Variants in L3MBTL4 observed in about 807,000 individuals in gnomAD.
The protein encoded by L3MBTL4 is L3MBTL histone methyl-lysine binding protein 4, also known as lethal(3)malignant brain tumor-like protein 4.
In L3MBTL4, 70 loss-of-function variants were observed where a neutral mutation model predicts 84.5. The observed-to-expected ratio is 0.83, with a 90% CI of 0.68 to 1.01. The LOEUF (loss-of-function observed/expected upper bound fraction) is 1.01. L3MBTL4 is among the 50% of genes least tolerant of loss of function. L3MBTL4 has a pLI of 0.00. For synonymous variants in L3MBTL4, 274 were observed against 259.8 expected, an observed-to-expected ratio of 1.05 and a Z score of -0.52; for missense variants, 715 against 754.8, an observed-to-expected ratio of 0.95 and a Z score of 0.62.
intron 3 of L3MBTL4, among the ~76,000 whole-genome samples, chr18:6,304,522 G>C (rs1203305846): frequency 6.6e-6 from 1 of 152,234 alleles, no homozygotes. Context: ...TAGAGCCTTA[G>C]ATTACAAATT....
chr18:6,121,972 A>G (rs1468568395), intron 14 of L3MBTL4, among the ~76,000 whole-genome samples: 2 of 152,196 alleles, frequency 1.3e-5, no homozygotes, highest in Non-Finnish European at 2.9e-5. Context: ...CTGCATATAC[A>G]TCCGGGAATA....
intron 16 of L3MBTL4, among the ~76,000 whole-genome samples, chr18:6,028,262 A>G (rs1175507408): frequency 6.6e-6 from 1 of 152,218 alleles, no homozygotes; most frequent in Non-Finnish European, 1.5e-5. Flanking sequence ...GCATACAGTT[A>G]GCCAGTTTCC....
chr18:6,058,529 G>T (rs2057101514), intron 16 of L3MBTL4, among the ~76,000 whole-genome samples: 1 of 152,054 alleles, frequency 6.6e-6, no homozygotes, highest in Non-Finnish European at 1.5e-5. Flanking sequence ...AAGAGAAAAA[G>T]TGTCTCACAC....
chr18:6,240,585 T>C (rs571218311), intron 8 of L3MBTL4, among the ~76,000 whole-genome samples: 3 of 152,216 alleles, frequency 2.0e-5, no homozygotes, highest in Non-Finnish European at 2.9e-5. Context: ...AGGGAGTACA[T>C]ACAGTATCCG....
At chr18:6,126,611 G>A (rs1246843597) in intron 14 of L3MBTL4, among the ~76,000 whole-genome samples, 1 of 148,926 alleles carries the variant, frequency 6.7e-6, no homozygotes, top group Admixed American at 6.8e-5. Flanking sequence ...AGCATTTCAT[G>A]TGCAATTTTT....
intron 16 of L3MBTL4, among the ~76,000 whole-genome samples, chr18:6,078,423 C>A (rs147006383): frequency 0.015 from 1,268 of 85,250 alleles, 23 homozygotes; most frequent in African/African-American, 0.075. Flanking sequence ...GGAGAGTCCA[C>A]CTCAAAAAAA....
At chr18:6,248,068 C>T (rs2047760198) in intron 5 of L3MBTL4, among the ~76,000 whole-genome samples, 1 of 152,126 alleles carries the variant, frequency 6.6e-6, no homozygotes, top group African/African-American at 2.4e-5. Flanking sequence ...CAAACATACA[C>T]ATATATTTTA....
intron 16 of L3MBTL4, among the ~76,000 whole-genome samples, chr18:6,076,587 T>G (rs1479720625): frequency 1.3e-5 from 2 of 152,124 alleles, no homozygotes; most frequent in African/African-American, 2.4e-5. Flanking sequence ...GTATATGTAC[T>G]GACTTAGAAA....
At chr18:6,354,209 T>C (rs341175) in intron 1 of L3MBTL4, among the ~76,000 whole-genome samples, 152,224 of 152,302 alleles carry the variant, frequency 1, 76,073 homozygotes, top group Middle Eastern at 1. Flanking sequence ...ATAAATGGTG[T>C]TGGGAAAAGT....
intron 13 of L3MBTL4, among the ~76,000 whole-genome samples, chr18:6,145,482 T>G (rs1044549837): frequency 6.9e-6 from 1 of 144,758 alleles, no homozygotes; most frequent in African/African-American, 2.6e-5. Context: ...TTGGCCAGCA[T>G]CAAAAAAAAA....
intron 1 of L3MBTL4, among the ~76,000 whole-genome samples, chr18:6,346,071 G>A (rs969629691): frequency 4.1e-5 from 6 of 147,476 alleles, no homozygotes; most frequent in Non-Finnish European, 8.9e-5. Flanking sequence ...ACACAATGGA[G>A]AAAGGACAGT....
chr18:6,406,492 C>A (rs1463676609), intron 1 of L3MBTL4, among the ~76,000 whole-genome samples: 2 of 152,144 alleles, frequency 1.3e-5, no homozygotes, highest in African/African-American at 4.8e-5. Flanking sequence ...ATAATACAAC[C>A]GGACCTCTGA....
Position 6,196,400 on chromosome 18 carries a change from G to A in L3MBTL4, c.981+16749C>T, listed in dbSNP as rs1253310127. On this transcript the variant is annotated intron_variant, in intron 12 of 18. Coordinates refer to ENST00000317931, the MANE Select transcript of L3MBTL4 (RefSeq NM_001330559.2). ...TCTTGATCTCCTGACCTCATGATCTGCCCACCCTGGCCTCCCAAAATGCTG... is the reference window on the plus strand; with the variant it reads ...TCTTGATCTCCTGACCTCATGATCTACCCACCCTGGCCTCCCAAAATGCTG... Among the ~76,000 whole-genome samples the A allele has an allele frequency of 3.9e-5, 6 of 152,038 alleles. No individual in the cohort carries two copies. In the East Asian group the frequency reaches 1.2e-3, roughly 29 times the overall value.
At chr18:6,050,582 C>A (rs565921477) in intron 16 of L3MBTL4, among the ~76,000 whole-genome samples, 6 of 152,282 alleles carry the variant, frequency 3.9e-5, no homozygotes, top group Admixed American at 2.6e-4. Context: ...AAAATCAATG[C>A]CTAATATTTT....
chr18:6,231,621 A>G (rs1040586376), intron 10 of L3MBTL4, among the ~76,000 whole-genome samples: 8 of 152,170 alleles, frequency 5.3e-5, no homozygotes, highest in African/African-American at 1.9e-4. Flanking sequence ...CAAATCTTTT[A>G]CTTCTTGGTT....
intron 14 of L3MBTL4, among the ~76,000 whole-genome samples, chr18:6,119,156 G>A (rs1412282224): frequency 1.3e-5 from 2 of 151,680 alleles, no homozygotes; most frequent in Non-Finnish European, 2.9e-5. Context: ...TACAGGTAGT[G>A]AAAGAGAGAG....
chr18:6,081,260 G>T, intron 15 of L3MBTL4: 1 of 225,926 alleles, frequency 4.4e-6, no homozygotes, highest in African/African-American at 2.3e-5. Flanking sequence ...CAGGATGGTG[G>T]GTGATGGGAT....
At chr18:6,246,901 CT>C in intron 5 of L3MBTL4, among the ~76,000 whole-genome samples, 1 of 149,842 alleles carries the variant, frequency 6.7e-6, no homozygotes, top group African/African-American at 2.5e-5. Flanking sequence ...GAAACTCCAA[CT>C]AAAAAAAAAA....
intron 14 of L3MBTL4, among the ~76,000 whole-genome samples, chr18:6,137,531 C>T (rs77195290): frequency 0.017 from 2,583 of 152,228 alleles, 80 homozygotes; most frequent in African/African-American, 0.058. Context: ...TGTTTGTTTA[C>T]ATATTTGTGT....
Sources: allele counts gnomAD v4.1 joint callset (sites outside exome capture counted in the v4.1 genomes callset), GRCh38; gene constraint gnomAD v4.1.1; transcripts MANE v1.5; gene names NCBI Gene and HGNC (gene_info 2026-07-23, HGNC 2026-07-21).